Variants in TPR observed in about 807,000 individuals in gnomAD.
TPR encodes the protein translocated promoter region, nuclear basket protein.
In TPR, 51 loss-of-function variants were observed where a neutral mutation model predicts 316.1. That is an observed-to-expected ratio of 0.16 (90% confidence interval 0.13 to 0.20). TPR has a LOEUF of 0.20. TPR is among the 10% of genes least tolerant of loss of function. The pLI is 1.00. For synonymous variants in TPR, 981 were observed against 914.7 expected (o/e 1.07, Z -1.31); for missense variants, 2,272 against 2,754.8 (o/e 0.82, Z 3.92).
chr1:186,374,086 T>C (rs895145282), intron 1 of TPR, among the ~76,000 whole-genome samples: 2 of 152,216 alleles, frequency 1.3e-5, no homozygotes, highest in Admixed American at 6.5e-5. Context: ...TACACTTTTT[T>C]TGAAGTAAAA....
chr1:186,358,580 C>T lies in TPR; in HGVS notation c.1460G>A (p.Arg487Gln), dbSNP rs754553050. 9.9e-6 allele frequency: 16 copies of T among 1,610,952 alleles called. No individual in the cohort carries two copies. The Admixed American group carries it at 1.2e-4, about 12-fold the overall frequency. Residue 487 changes from arginine (R) to glutamine (Q), a missense_variant, in exon 13 of 51, where the codon CGA becomes CAA. Arg to Gln is a conservative substitution (Grantham distance 43). Coordinates refer to ENST00000367478, the MANE Select transcript of TPR (RefSeq NM_003292.3). ...ATCTTTTACTTGTATTTCCATTCTTCGATTATCTCTCTCAAGTACAGATGA... is the reference window on the plus strand; with the variant it reads ...ATCTTTTACTTGTATTTCCATTCTTTGATTATCTCTCTCAAGTACAGATGA... ...KQSSVLERDNRRMEIQVKDLS... is the reference protein window; with the variant it reads ...KQSSVLERDNQRMEIQVKDLS...
intron 4 of TPR, among the ~76,000 whole-genome samples, chr1:186,367,188 A>G (rs1456998021): frequency 3.3e-5 from 5 of 150,076 alleles, no homozygotes. Context: ...GCCTCAGCCT[A>G]CAAAGTAGCT....
chr1:186,354,241 G>T (rs1368448847), intron 17 of TPR, among the ~76,000 whole-genome samples: 1 of 152,032 alleles, frequency 6.6e-6, no homozygotes, highest in African/African-American at 2.4e-5. Flanking sequence ...AAATGTAGTG[G>T]TTCAAGTTCT....
At chr1:186,330,789 T>G (rs1658138951) in intron 39 of TPR, among the ~76,000 whole-genome samples, 1 of 151,990 alleles carries the variant, frequency 6.6e-6, no homozygotes. Flanking sequence ...ACCCTGGGGG[T>G]CTTCTTGATG....
Position 186,333,189 on chromosome 1 carries a change from G to A in TPR, c.5388C>T (p.Asn1796=), listed in dbSNP as rs763811850. ...IEPANQELSS[N]IVEVVQSSPV... ...GTGAACTCTGAACAACCTCTACTAT[G>A]TTTGAAGATAACTCTTGATTGGCAG... The change falls in exon 37 of 51, where the codon AAC becomes AAT. Residue 1796 remains asparagine, a synonymous_variant. Transcript: ENST00000367478. 7 of 1,613,614 alleles carry A rather than the reference G, an allele frequency of 4.3e-6. No homozygotes were observed. The highest frequency in any genetic ancestry group is 5.9e-6 in the Non-Finnish European group (7 of 1,179,676).
rs746491457 is a variant in TPR, at chr1:186,313,880, T to C, written c.*91A>G. On this transcript the variant is annotated 3_prime_UTR_variant, in exon 51 of 51. Coordinates refer to ENST00000367478, the MANE Select transcript of TPR (RefSeq NM_003292.3). ...AAGAATATTGACATGAGTATACCAG[T>C]TTATATATAAAAATGTTTTTAAACT... 6.9e-5 allele frequency: 102 copies of C among 1,483,496 alleles called. No individual in the cohort carries two copies. Among genetic ancestry groups the C allele is most frequent in the Non-Finnish European group, 9.5e-5 (101 of 1,063,764 alleles). 91.9% of individuals were successfully genotyped at this position (1,483,496 alleles called of 1,614,324 possible).
At chr1:186,355,283 G>A (rs1412606883) in intron 17 of TPR, 127 bp downstream of exon 17, 9 of 955,890 alleles carry the variant, frequency 9.4e-6, no homozygotes, top group African/African-American at 1.7e-5. Flanking sequence ...ACTACCAGAG[G>A]TTCTCATTCT....
intron 31 of TPR, 134 bp downstream of exon 31, chr1:186,337,899 T>C: frequency 2.6e-6 from 2 of 762,912 alleles, no homozygotes; most frequent in Non-Finnish European, 4.0e-6. Context: ...AAAGAACTAA[T>C]CTTAAATAAA....
chr1:186,318,276 C>T (rs551125319), intron 48 of TPR, among the ~76,000 whole-genome samples, 171 bp downstream of exon 48: 5 of 151,242 alleles, frequency 3.3e-5, no homozygotes, highest in South Asian at 4.2e-4. Flanking sequence ...TGCACTGAGC[C>T]GAGATCACGC....
At chr1:186,367,851 G>A (rs1251191323) in intron 4 of TPR, 35 bp downstream of exon 4, 4 of 1,466,258 alleles carry the variant, frequency 2.7e-6, no homozygotes, top group Non-Finnish European at 3.8e-6. Context: ...AAAAATAAAG[G>A]AATGGAGCTA....
rs1405147259 is a variant in TPR, at chr1:186,351,220, A to C, written c.2610+110T>G. On this transcript the variant is annotated intron_variant, in intron 20 of 50. Transcript: ENST00000367478. ...TAGAGTGAGGCAAGAAAAACTTAGT[A>C]ACAAAGTTTTTCAAAATCATGCTTC... The C allele has an allele frequency of 3.1e-6, 4 of 1,294,372 alleles. No individual in the cohort carries two copies. The African/African-American group carries it at 6.1e-5, about 20-fold the overall frequency. 80.2% of individuals were successfully genotyped at this position (1,294,372 alleles called of 1,614,324 possible). A position where few individuals can be genotyped will look rare whatever the true frequency, so the allele number is the denominator to read the frequency against.
intron 5 of TPR, 119 bp from the exon 6 acceptor site, chr1:186,363,120 T>G: frequency 8.5e-7 from 1 of 1,172,946 alleles, no homozygotes; most frequent in Non-Finnish European, 1.2e-6. Flanking sequence ...AATTAAGTAT[T>G]TGCATAGATT....
intron 7 of TPR, 66 bp downstream of exon 7, chr1:186,362,222 G>C: frequency 7.5e-7 from 1 of 1,325,408 alleles, no homozygotes; most frequent in Admixed American, 1.9e-5. Flanking sequence ...ACATCATTTT[G>C]TGAAATAACA....
At chr1:186,345,126 T>C (rs911209683) in intron 24 of TPR, among the ~76,000 whole-genome samples, 2 of 152,194 alleles carry the variant, frequency 1.3e-5, no homozygotes, top group Non-Finnish European at 2.9e-5. Context: ...TGCACATACA[T>C]ACATACACTC....
intron 22 of TPR, among the ~76,000 whole-genome samples, chr1:186,346,806 T>C (rs2101970397): frequency 6.6e-6 from 1 of 152,302 alleles, no homozygotes; most frequent in African/African-American, 2.4e-5. Context: ...CAGAATATAA[T>C]TTAACATGAT....
intron 3 of TPR, among the ~76,000 whole-genome samples, chr1:186,368,999 T>C (rs1040450869): frequency 1.3e-5 from 2 of 152,210 alleles, no homozygotes; most frequent in African/African-American, 4.8e-5. Context: ...ACACCATTAA[T>C]GAGGAGACGA....
chr1:186,356,984 T>C (rs1393705365), intron 14 of TPR, among the ~76,000 whole-genome samples: 2 of 152,230 alleles, frequency 1.3e-5, no homozygotes, highest in African/African-American at 4.8e-5. Flanking sequence ...TGTTTGGTAT[T>C]GTTGCTCAAT....
At chr1:186,341,549 G>A (rs1194709423) in intron 27 of TPR, 160 bp from the exon 28 acceptor site, 2 of 654,560 alleles carry the variant, frequency 3.1e-6, no homozygotes, top group Non-Finnish European at 4.9e-6. Context: ...TTTCTGTGAG[G>A]CATGCGAACT....
intron 39 of TPR, among the ~76,000 whole-genome samples, chr1:186,329,292 C>T (rs1658087221): frequency 6.6e-6 from 1 of 152,130 alleles, no homozygotes; most frequent in Admixed American, 6.5e-5. Flanking sequence ...AGAAACAATG[C>T]TCTCTGAAGG....
Sources: gnomAD v4.1 joint callset for allele counts (sites outside exome capture counted in the v4.1 genomes callset) on GRCh38, gnomAD v4.1.1 for gene constraint, MANE v1.5 for transcripts, NCBI Gene and HGNC (gene_info 2026-07-23, HGNC 2026-07-21) for gene names.